Variants in FER observed in about 807,000 individuals in gnomAD.
FER encodes FER tyrosine kinase.
A neutral mutation model predicts 111.0 loss-of-function variants in FER; 63 were observed. The ratio of observed to expected loss-of-function variants is 0.57; its 90% CI spans 0.46 to 0.70. The LOEUF is 0.70. Ranked by LOEUF, FER falls within the 30% of genes least tolerant of loss-of-function variation. The pLI is 0.00. For missense variants in FER, 914 were observed against 954.0 expected (o/e 0.96, Z 0.55); for synonymous variants, 327 against 313.9 (o/e 1.04, Z -0.44).
At chr5:109,014,527 C>G (rs1044990573) in intron 13 of FER, among the ~76,000 whole-genome samples, 3 of 152,186 alleles carry the variant, frequency 2.0e-5, no homozygotes, top group Admixed American at 6.5e-5. Context: ...ATGCCTCCAG[C>G]TTTGTTCTTT....
intron 17 of FER, among the ~76,000 whole-genome samples, chr5:109,110,499 G>T (rs529080881): frequency 6.6e-6 from 1 of 152,106 alleles, no homozygotes; most frequent in Non-Finnish European, 1.5e-5. Context: ...CAGAAAATTA[G>T]GTGAGTTGTT....
At chr5:108,814,883 G>A (rs1444859640) in intron 3 of FER, among the ~76,000 whole-genome samples, 1 of 151,916 alleles carries the variant, frequency 6.6e-6, no homozygotes, top group African/African-American at 2.4e-5. Context: ...TTTTTTGTTC[G>A]TTTGTATTCC....
At chr5:108,753,357 C>T (rs1035361614) in intron 1 of FER, among the ~76,000 whole-genome samples, 1 of 152,070 alleles carries the variant, frequency 6.6e-6, no homozygotes, top group Admixed American at 6.5e-5. Context: ...AGAAATATCT[C>T]AGATTAGCTG....
intron 16 of FER, among the ~76,000 whole-genome samples, chr5:109,088,831 C>G (rs1217212661): frequency 6.6e-6 from 1 of 151,810 alleles, no homozygotes; most frequent in Admixed American, 6.6e-5. Context: ...TCATATAACC[C>G]CAGATGGATG....
chr5:108,943,257 T>C (rs765829641), intron 10 of FER, among the ~76,000 whole-genome samples: 1 of 152,110 alleles, frequency 6.6e-6, no homozygotes, highest in Non-Finnish European at 1.5e-5. Context: ...GATGGGGAGT[T>C]GGACAAAAGT....
intron 1 of FER, 86 bp downstream of exon 1, chr5:108,748,086 A>AT (rs1749998444): frequency 6.6e-6 from 1 of 152,262 alleles, no homozygotes; most frequent in African/African-American, 2.4e-5. Flanking sequence ...AGTTTCTAAC[A>AT]TTTTTAGGCA....
chr5:109,187,447 G>A lies in FER; in HGVS notation c.2341G>A (p.Ala781Thr). ...EQVERGYRMSAPQHCPEDISK... is the reference protein window; with the variant it reads ...EQVERGYRMSTPQHCPEDISK... ...TGGGTCTTCAGGATACCGGATGTCA[G>A]CTCCCCAGCACTGTCCAGAGGATAT... Residue 781 changes from alanine to threonine, a missense_variant, in exon 20 of 20, where the codon GCT (alanine) becomes ACT (threonine). Ala to Thr is a moderately conservative substitution (Grantham distance 58, BLOSUM62 0). Transcript: ENST00000281092. 1.2e-6 allele frequency: 2 copies of A among 1,610,068 alleles called. No homozygotes were observed. The highest frequency in any genetic ancestry group is 1.7e-6 in the Non-Finnish European group (2 of 1,178,372).
chr5:108,925,333 T>TAAA (rs1188360705), intron 10 of FER, among the ~76,000 whole-genome samples: 1 of 152,080 alleles, frequency 6.6e-6, no homozygotes, highest in Non-Finnish European at 1.5e-5. Context: ...CCATAACTGG[T>TAAA]AAAGCTTTTC....
intron 3 of FER, among the ~76,000 whole-genome samples, chr5:108,821,685 A>T (rs1758859441): frequency 6.6e-6 from 1 of 151,644 alleles, no homozygotes; most frequent in Admixed American, 6.6e-5. Context: ...AAGTACACAC[A>T]TATTATTTTT....
intron 16 of FER, among the ~76,000 whole-genome samples, chr5:109,050,700 C>G (rs2149923830): frequency 6.6e-6 from 1 of 152,242 alleles, no homozygotes; most frequent in East Asian, 1.9e-4. Flanking sequence ...CATGGAAAAT[C>G]TTATTCTGTG....
chr5:108,954,818 G>C lies in FER; in HGVS notation c.1419G>C (p.Leu473=). The C allele has an allele frequency of 6.2e-7, 1 of 1,612,258 alleles. No individual in the cohort carries two copies. Among genetic ancestry groups the C allele is most frequent in the Non-Finnish European group, 8.5e-7 (1 of 1,179,088 alleles). Residue 473 remains leucine (L), a synonymous_variant, in exon 12 of 20, where the codon CTG becomes CTC. Coordinates refer to ENST00000281092, the MANE Select transcript of FER (RefSeq NM_005246.4). ...TTCCCAGAATAGAAGCTCAAGAACTGTTAAAAAAACAAGGAGACTTTTTGG... is the reference window on the plus strand; with the variant it reads ...TTCCCAGAATAGAAGCTCAAGAACTCTTAAAAAAACAAGGAGACTTTTTGG... ...GAIPRIEAQE[L]LKKQGDFLVR...
At chr5:109,146,391 C>T (rs1212318854) in intron 17 of FER, among the ~76,000 whole-genome samples, 1 of 147,154 alleles carries the variant, frequency 6.8e-6, no homozygotes, top group Non-Finnish European at 1.5e-5. Flanking sequence ...TAGAAATCCC[C>T]TCATCCAGCT....
intron 17 of FER, among the ~76,000 whole-genome samples, chr5:109,152,487 C>A (rs1754954037): frequency 6.6e-6 from 1 of 151,904 alleles, no homozygotes; most frequent in African/African-American, 2.4e-5. Context: ...GTATAGAAAT[C>A]ATTAATAAAT....
At chr5:108,898,153 GAGAAGTA>G (rs1259986317) in intron 10 of FER, among the ~76,000 whole-genome samples, 2 of 152,162 alleles carry the variant, frequency 1.3e-5, no homozygotes, top group Non-Finnish European at 2.9e-5. Flanking sequence ...ATTCTTAAGA[GAGAAGTA>G]AGCAATAAGA....
chr5:108,890,922 G>A (rs935030878), intron 9 of FER, among the ~76,000 whole-genome samples: 2 of 152,098 alleles, frequency 1.3e-5, no homozygotes, highest in African/African-American at 4.8e-5. Flanking sequence ...TAGGATCACA[G>A]TTGCTAATTG....
Position 109,112,577 on chromosome 5 carries a change from C to G in FER, c.2048+12058C>G, listed in dbSNP as rs183065778. ...AGGTTTTGGCTGCACCTCTCTCACT[C>G]TCTCTTTCTTTTTCATATTTCCATC... is the stretch of plus-strand genomic sequence containing the variant. On this transcript the variant is annotated intron_variant, in intron 17 of 19. Coordinates refer to ENST00000281092, the MANE Select transcript of FER (RefSeq NM_005246.4). 8.7e-4 allele frequency among the ~76,000 whole-genome samples: 132 copies of G among 152,262 alleles called. 3 individuals carry two copies. The Middle Eastern group carries it at 0.01, about 12-fold the overall frequency.
Position 108,781,220 on chromosome 5 carries a change from TCA to T in FER, c.-60+12984_-60+12985del, listed in dbSNP as rs1754041856. The stretch of plus-strand genomic sequence containing the variant: ...TTGTTTGTTTGTTTGAGATGGAGTC[TCA>T]CTCTGTCACCCAGGCTGGAGTGCAG... On this transcript the variant is annotated intron_variant, in intron 2 of 19. Coordinates refer to ENST00000281092, the MANE Select transcript of FER (RefSeq NM_005246.4). Among the ~76,000 whole-genome samples, 3 of 152,336 alleles carry T rather than the reference TCA, an allele frequency of 2.0e-5. No homozygotes were observed. The East Asian group carries it at 5.8e-4, about 29-fold the overall frequency.
intron 5 of FER, among the ~76,000 whole-genome samples, chr5:108,847,234 C>A (rs1412542677): frequency 2.0e-5 from 3 of 150,602 alleles, no homozygotes; most frequent in African/African-American, 7.3e-5. Flanking sequence ...TTTCTAATTT[C>A]CTTTTTGATT....
intron 12 of FER, among the ~76,000 whole-genome samples, chr5:108,957,399 A>G (rs1272064694): frequency 6.6e-6 from 1 of 151,632 alleles, no homozygotes; most frequent in African/African-American, 2.4e-5. Flanking sequence ...AAACCACAAT[A>G]AAACATCATT....
Sources: gnomAD v4.1 joint callset for allele counts (sites outside exome capture counted in the v4.1 genomes callset) on GRCh38, gnomAD v4.1.1 for gene constraint, MANE v1.5 for transcripts, NCBI Gene and HGNC (gene_info 2026-07-23, HGNC 2026-07-21) for gene names.